Variants in SLC4A11 observed in about 807,000 individuals in gnomAD.
SLC4A11 encodes bicarbonate transporter related protein 1.
SLC4A11 carries 74 observed loss-of-function variants against 95.0 expected under a neutral mutation model. The observed-to-expected ratio is 0.78, with a 90% CI of 0.65 to 0.95. SLC4A11 has a LOEUF of 0.95. Ranked by LOEUF, SLC4A11 falls within the 40% of genes least tolerant of loss-of-function variation. The pLI, the probability that SLC4A11 is intolerant of heterozygous loss-of-function variation, is 0.00. For missense variants in SLC4A11, 1,081 were observed against 1,192.4 expected, an observed-to-expected ratio of 0.91 and a Z score of 1.38; for synonymous variants, 548 against 519.0, an observed-to-expected ratio of 1.06 and a Z score of -0.76.
In SLC4A11 at chr20:3,234,173, T is replaced by A. The variant is rs3827075; in HGVS notation, c.433A>T (p.Arg145Trp). The A allele has an allele frequency of 3.1e-6, 5 of 1,613,896 alleles. No homozygotes were observed. The highest frequency in any genetic ancestry group is 4.2e-6 in the Non-Finnish European group (5 of 1,179,948). ...TTGGGCTCATTGTTGTCAGGGTCCC[T>A]GGCGAAGCGGCGAAGCATGGTCCGC... is the stretch of plus-strand genomic sequence containing the variant. ...VLRTMLRRFA[R>W]DPDNNEPNCN... is the part of the protein sequence containing the mutation. The change falls in exon 5 of 20, where the codon AGG becomes TGG. Residue 145 changes from arginine to tryptophan, a missense_variant. By Grantham distance (101) the Arg-to-Trp change is moderately radical. Around this residue, in one of 3 missense-constraint regions of SLC4A11, gnomAD observed 310 missense variants for 313.5 expected, o/e 0.99. Coordinates refer to ENST00000642402, the MANE Select transcript of SLC4A11 (RefSeq NM_001174089.2). The surrounding 1 kb of genome is among the most constrained non-coding windows in gnomAD (Gnocchi z 5.8).
At chr20:3,238,267 G>C (rs1390994799) in intron 1 of SLC4A11, 2 of 1,310,634 alleles carry the variant, frequency 1.5e-6, no homozygotes, top group Non-Finnish European at 1.9e-6. Flanking sequence ...GCCGGTCCCC[G>C]GATGGTCCCG....
intron 1 of SLC4A11, chr20:3,237,867 T>C (rs2068034389): frequency 4.5e-6 from 7 of 1,551,212 alleles, no homozygotes; most frequent in Non-Finnish European, 5.2e-6. Flanking sequence ...TCCAGGGATG[T>C]CTTCCCACCG....
rs2067613337 is a variant in SLC4A11 at position 3,228,363 on chromosome 20, G to A, written c.2454C>T (p.Gly818=). 2.5e-6 allele frequency: 4 copies of A among 1,613,298 alleles called. No individual in the cohort carries two copies. Among genetic ancestry groups the A allele is most frequent in the South Asian group, 1.1e-5 (1 of 91,062 alleles). The change falls in exon 19 of 20, where the codon GGC becomes GGT. Residue 818 remains glycine (G), a synonymous_variant. Transcript: ENST00000642402. ...VPQRKIHYFT[G]LQVLQLLLLC... ...GCAGCAGCAGCTGAAGCACCTGCAG[G>A]CCCGTGAAGTAGTGGATCTTCCTCT...
Position 3,228,501 on chromosome 20 carries a change from C to A in SLC4A11, c.2388+11G>T, listed in dbSNP as rs368952088. ...CACCCACGCCACTCCCTCGCAGGGC[C>A]AAGCGCTCACCTGCTCCTTGAGCAG... On this transcript the variant is annotated intron_variant, in intron 18 of 19. Transcript: ENST00000642402. The A allele has an allele frequency of 1.2e-5, 20 of 1,612,874 alleles. No homozygotes were observed. The African/African-American group carries it at 2.7e-4, about 22-fold the overall frequency.
In SLC4A11 at chr20:3,234,146, A is replaced by G. The variant is rs2067884391; in HGVS notation, c.460T>C (p.Cys154Arg). Reference sequence around the variant, plus strand: ...ATGGCCATGAGCAGGTCCAGGTTGCAGTTGGGCTCATTGTTGTCAGGGTCC... The same window carrying G: ...ATGGCCATGAGCAGGTCCAGGTTGCGGTTGGGCTCATTGTTGTCAGGGTCC... ...ARDPDNNEPN[C>R]NLDLLMAMLF... Residue 154 changes from cysteine (C) to arginine (R), a missense_variant, in exon 5 of 20, where the codon TGC becomes CGC. Cys to Arg is a radical substitution (Grantham distance 180). Around this residue, in one of 3 missense-constraint regions of SLC4A11, gnomAD observed 310 missense variants for 313.5 expected, o/e 0.99. Transcript: ENST00000642402. This position sits in a 1 kb window ranked among gnomAD's most constrained non-coding sequence, Gnocchi z 5.8. 2 of 1,614,124 alleles carry G rather than the reference A, an allele frequency of 1.2e-6. No homozygotes were observed. The highest frequency in any genetic ancestry group is 8.5e-7 in the Non-Finnish European group (1 of 1,179,996).
In SLC4A11 at chr20:3,230,221, C is replaced by T. The variant is rs143533055; in HGVS notation, c.1455G>A (p.Thr485=). The T allele has an allele frequency of 2.5e-5, 41 of 1,613,488 alleles. No individual in the cohort carries two copies. The highest frequency in any genetic ancestry group is 3.3e-4 in the Middle Eastern group (2 of 6,084). ...EEIIALFISI[T]FVLDAVKGTV... ...TGCCCTTGACGGCATCCAGCACAAA[C>T]GTGATGGAAATGAAGAGGGCGATGA... Residue 485 remains threonine (T), a synonymous_variant, in exon 13 of 20, where the codon ACG becomes ACA. Transcript: ENST00000642402.
chr20:3,237,754 G>T (rs1385626856), intron 1 of SLC4A11, 166 bp from the exon 2 acceptor site: 2 of 1,613,206 alleles, frequency 1.2e-6, no homozygotes, highest in Admixed American at 1.7e-5. Context: ...GCTCGGGAGG[G>T]GGCCCCATAG....
chr20:3,232,233 C>A (rs1321834221), intron 7 of SLC4A11, among the ~76,000 whole-genome samples: 2 of 152,108 alleles, frequency 1.3e-5, no homozygotes, highest in African/African-American at 4.8e-5. Context: ...GGGTCCAAGC[C>A]CGTCAGGCAC....
chr20:3,229,545 G>A lies in SLC4A11; in HGVS notation c.1721C>T (p.Thr574Ile). 1 of 1,612,838 alleles carries A rather than the reference G, an allele frequency of 6.2e-7. No individual in the cohort carries two copies. Residue 574 changes from threonine (T) to isoleucine (I), a missense_variant, in exon 14 of 20, where the codon ACC becomes ATC. Around this residue, in one of 3 missense-constraint regions of SLC4A11, gnomAD observed 767 missense variants for 858.0 expected, o/e 0.89. Transcript: ENST00000642402. ...TCACCTCTTCTTGAATTGGTAGAGG[G>A]TGTAGCCCAGCCAGAGCGTGCCCAG... ...IMLGTLWLGYTLYQFKKSPYL... is the reference protein window; with the variant it reads ...IMLGTLWLGYILYQFKKSPYL...
At chr20:3,228,144 C>CCCCCCCCCCCAAAA in intron 19 of SLC4A11, 115 bp downstream of exon 19, 1 of 718,214 alleles carries the variant, frequency 1.4e-6, no homozygotes, top group Non-Finnish European at 2.4e-6. Context: ...GCACCCACCC[C>CCCCCCCCCCCAAAA]AACCCGCCCA....
intron 2 of SLC4A11, among the ~76,000 whole-genome samples, chr20:3,236,567 C>T (rs1254857351): frequency 1.3e-5 from 2 of 150,082 alleles, no homozygotes; most frequent in Non-Finnish European, 3.0e-5. Flanking sequence ...CCAGCCTGGG[C>T]GACAGAGCGA....
chr20:3,229,128 A>G lies in SLC4A11; in HGVS notation c.1985T>C (p.Leu662Ser). ...LSMLFFIEQN[L>S]VAALVNAPEN... ...CGGTGCATTCACCAAGGCGGCCACC[A>G]AGTTCTGCTCGATGAAGAAGAGCAT... The change falls in exon 16 of 20, where the codon TTG becomes TCG. Residue 662 changes from leucine (L) to serine (S), a missense_variant. Leu to Ser is a moderately radical substitution (Grantham distance 145). Transcript: ENST00000642402. 1 of 1,353,676 alleles carries G rather than the reference A, an allele frequency of 7.4e-7. No individual in the cohort carries two copies. 83.9% of individuals were successfully genotyped at this position (1,353,676 alleles called of 1,614,324 possible).
Position 3,231,644 on chromosome 20 carries a change from T to A in SLC4A11, c.730-96A>T. The stretch of plus-strand genomic sequence containing the variant: ...CTCTCCCCATGAACTGGCAGCAGGT[T>A]TTTTGTCTGTTTGTTTTTTGTGTTT... On this transcript the variant is annotated intron_variant, in intron 7 of 19. Coordinates refer to ENST00000642402, the MANE Select transcript of SLC4A11 (RefSeq NM_001174089.2). The surrounding 1 kb of genome is among the most constrained non-coding windows in gnomAD (Gnocchi z 5.2). 1 of 1,152,786 alleles carries A rather than the reference T, an allele frequency of 8.7e-7. No homozygotes were observed. The highest frequency in any genetic ancestry group is 1.9e-5 in the Admixed American group (1 of 51,492). The allele number at this position is 1,152,786 out of a possible 1,614,324, so 71.4% of individuals were successfully genotyped here. A position where few individuals can be genotyped will look rare whatever the true frequency, so the allele number is the denominator to read the frequency against.
chr20:3,237,711 C>T lies in SLC4A11; in HGVS notation c.44-123G>A, dbSNP rs983391931. The T allele has an allele frequency of 3.7e-6, 6 of 1,613,898 alleles. No homozygotes were observed. The African/African-American group carries it at 5.3e-5, about 14-fold the overall frequency. The stretch of plus-strand genomic sequence containing the variant: ...GCTCTTCCGAGGGATGCAACCCACG[C>T]CACCCTAGGGAGAAAGGGAAGCAGG... On this transcript the variant is annotated intron_variant, in intron 1 of 19. Transcript: ENST00000642402.
Position 3,228,916 on chromosome 20 carries a change from G to A in SLC4A11, c.2114C>T (p.Ala705Val). The A allele has an allele frequency of 6.2e-7, 1 of 1,613,986 alleles. No homozygotes were observed. The highest frequency in any genetic ancestry group is 1.1e-5 in the South Asian group (1 of 91,084). The change falls in exon 17 of 20, where the codon GCC becomes GTC. Residue 705 changes from alanine to valine, a missense_variant. Coordinates refer to ENST00000642402, the MANE Select transcript of SLC4A11 (RefSeq NM_001174089.2). The part of the protein sequence containing the change: ...SLFGLPWIHA[A>V]YPHSPLHVRA... Reference sequence around the variant, plus strand: ...CACGTGCAGCGGGGAGTGGGGGTAGGCGGCATGGATCCAAGGCAGCCCAAA... The same window carrying A: ...CACGTGCAGCGGGGAGTGGGGGTAGACGGCATGGATCCAAGGCAGCCCAAA...
chr20:3,228,978 G>T lies in SLC4A11; in HGVS notation c.2052C>A (p.Leu684=). Residue 684 remains leucine (L), a synonymous_variant, in exon 17 of 20, where the codon CTC becomes CTA. Coordinates refer to ENST00000642402, the MANE Select transcript of SLC4A11 (RefSeq NM_001174089.2). Reference sequence around the variant, plus strand: ...CTGTGTTGATGATGGCGAGGAGCAGGAGGTCCCAGTGGTAGGCAGTGCCCT... The same window carrying T: ...CTGTGTTGATGATGGCGAGGAGCAGTAGGTCCCAGTGGTAGGCAGTGCCCT... ...LVKGTAYHWD[L]LLLAIINTGL... is the part of the protein sequence containing the mutation. The T allele has an allele frequency of 6.2e-7, 1 of 1,613,792 alleles. No homozygotes were observed. Among genetic ancestry groups the T allele is most frequent in the East Asian group, 2.2e-5 (1 of 44,874 alleles).
chr20:3,228,995 C>T lies in SLC4A11; in HGVS notation c.2035G>A (p.Ala679Thr). ...APENRLVKGT[A>T]YHWDLLLLAI... Reference sequence around the variant, plus strand: ...AGGAGCAGGAGGTCCCAGTGGTAGGCAGTGCCCTTCACCAGCCTGCAGCAG... The same window carrying T: ...AGGAGCAGGAGGTCCCAGTGGTAGGTAGTGCCCTTCACCAGCCTGCAGCAG... Residue 679 changes from alanine (A) to threonine (T), a missense_variant, in exon 17 of 20, where the codon GCC (alanine) becomes ACC (threonine). Around this residue, in one of 3 missense-constraint regions of SLC4A11, gnomAD observed 767 missense variants for 858.0 expected, o/e 0.89. Coordinates refer to ENST00000642402, the MANE Select transcript of SLC4A11 (RefSeq NM_001174089.2). 2.5e-6 allele frequency: 4 copies of T among 1,613,462 alleles called. No homozygotes were observed. The highest frequency in any genetic ancestry group is 3.4e-6 in the Non-Finnish European group (4 of 1,180,002).
Position 3,228,653 on chromosome 20 carries a change from C to T in SLC4A11, c.2247G>A (p.Val749=), listed in dbSNP as rs776921852. The T allele has an allele frequency of 1.7e-5, 28 of 1,612,868 alleles. No homozygotes were observed. The African/African-American group carries it at 3.5e-4, about 20-fold the overall frequency. ...RLTSLGASVL[V]GLSLLLLPVP... is the part of the protein sequence containing the mutation. ...CCGGCAGCAGCAACAGGGACAGGCC[C>T]ACCAGGACGCTGGCGCCCAGCGAGG... Residue 749 remains valine, a synonymous_variant, in exon 18 of 20, where the codon GTG becomes GTA. Transcript: ENST00000642402.
rs565229955 is a variant in SLC4A11 at position 3,230,178 on chromosome 20, C to G, written c.1489+9G>C. On this transcript the variant is annotated intron_variant, in intron 13 of 19. Transcript: ENST00000642402. ...CCCTGTTCAGCAGGTGGCCCCCAGC[C>G]GCACTCACTTTTAACCGTGCCCTTG... 1.2e-6 allele frequency: 2 copies of G among 1,613,334 alleles called. No homozygotes were observed. Among genetic ancestry groups the G allele is most frequent in the African/African-American group, 2.7e-5 (2 of 74,938 alleles).
Sources: gnomAD v4.1 joint callset for allele counts (sites outside exome capture counted in the v4.1 genomes callset) on GRCh38, gnomAD v4.1.1 for gene constraint, gnomAD v4.1.1 regional missense constraint, Gnocchi (gnomAD v3.1) non-coding constraint, MANE v1.5 for transcripts, NCBI Gene and HGNC (gene_info 2026-07-23, HGNC 2026-07-21) for gene names.